The following KCNIP1 variants were observed in gnomAD, a reference collection of about 807,000 sequenced individuals.
KCNIP1 encodes the protein potassium voltage-gated channel interacting protein 1.
KCNIP1 carries 18 observed loss-of-function variants against 33.0 expected under a neutral mutation model. The ratio of observed to expected loss-of-function variants is 0.55; its 90% CI spans 0.38 to 0.81. The LOEUF (loss-of-function observed/expected upper bound fraction) is 0.81. KCNIP1 is among the 30% of genes least tolerant of loss of function. The pLI is 0.00. For missense variants in KCNIP1, 238 were observed against 271.6 expected (o/e 0.88, Z 0.87); for synonymous variants, 93 against 98.3 (o/e 0.95, Z 0.32).
intron 1 of KCNIP1, among the ~76,000 whole-genome samples, chr5:170,396,988 G>T (rs1754777614): frequency 6.6e-6 from 1 of 152,206 alleles, no homozygotes; most frequent in East Asian, 1.9e-4. Flanking sequence ...TTCAGAGCCT[G>T]CTATCTGTCA....
At chr5:170,643,046 T>C (rs1394191645) in intron 1 of KCNIP1, among the ~76,000 whole-genome samples, 2 of 152,160 alleles carry the variant, frequency 1.3e-5, no homozygotes, top group African/African-American at 4.8e-5. Context: ...GATCCTGAGA[T>C]TGGGAGACAT....
chr5:170,466,425 T>C (rs1255094872), intron 1 of KCNIP1, among the ~76,000 whole-genome samples: 1 of 152,084 alleles, frequency 6.6e-6, no homozygotes, highest in African/African-American at 2.4e-5. Context: ...TGCAAAGAGA[T>C]GGTAATAAAA....
intron 1 of KCNIP1, among the ~76,000 whole-genome samples, chr5:170,373,049 C>T (rs1763889563): frequency 6.6e-6 from 1 of 152,216 alleles, no homozygotes; most frequent in Admixed American, 6.5e-5. Context: ...GGCTTTGCTT[C>T]CATATACCTC....
At chr5:170,672,246 G>C (rs951102572) in intron 1 of KCNIP1, among the ~76,000 whole-genome samples, 7 of 152,218 alleles carry the variant, frequency 4.6e-5, no homozygotes, top group African/African-American at 1.7e-4. Context: ...AGGGAGACAG[G>C]GGCCAGATCA....
intron 1 of KCNIP1, among the ~76,000 whole-genome samples, chr5:170,404,179 T>C (rs1329677353): frequency 6.6e-6 from 1 of 152,218 alleles, no homozygotes; most frequent in East Asian, 1.9e-4. Flanking sequence ...AGGTTTTAGT[T>C]TTTAAAATGT....
chr5:170,358,593 A>G (rs1389747624), intron 1 of KCNIP1, among the ~76,000 whole-genome samples: 1 of 152,206 alleles, frequency 6.6e-6, no homozygotes, highest in East Asian at 1.9e-4. Flanking sequence ...TGGAGATAAT[A>G]ATAATATCAA....
rs575457264 is a variant in KCNIP1, at chr5:170,618,229, T to G, written c.62-100529T>G. Among the ~76,000 whole-genome samples, 9 of 152,142 alleles carry G rather than the reference T, an allele frequency of 5.9e-5. No individual in the cohort carries two copies. The South Asian group carries it at 1.9e-3, about 32-fold the overall frequency. ...GCCTGATTAAAAACCCTGGGTTGGCTGCAATGACTTGCAGGCATGCTAACG... is the reference window on the plus strand; with the variant it reads ...GCCTGATTAAAAACCCTGGGTTGGCGGCAATGACTTGCAGGCATGCTAACG... On this transcript the variant is annotated intron_variant, in intron 1 of 7. Transcript: ENST00000328939.
At chr5:170,624,740 GAGAGGGGAGGGGAGGAGA>G (rs1759755656) in intron 1 of KCNIP1, among the ~76,000 whole-genome samples, 1 of 95,850 alleles carries the variant, frequency 1.0e-5, no homozygotes, top group African/African-American at 3.9e-5. Flanking sequence ...GGTGGGGGGG[GAGAGGGGAGGGGAGGAGA>G]GGGGAGGGGA....
chr5:170,397,935 A>G (rs1267188245), intron 1 of KCNIP1, among the ~76,000 whole-genome samples: 2 of 152,182 alleles, frequency 1.3e-5, no homozygotes, highest in Non-Finnish European at 2.9e-5. Context: ...CTGATTGGCA[A>G]TTGGTTGAAA....
chr5:170,580,199 T>C (rs1293688597), intron 1 of KCNIP1, among the ~76,000 whole-genome samples: 1 of 152,190 alleles, frequency 6.6e-6, no homozygotes. Context: ...GATGGAGATA[T>C]CATTTATCTT....
At position 170,374,105 on chromosome 5, in the gene KCNIP1, G is replaced by T. The variant is rs144322502; in HGVS notation, c.88+20141G>T. Among the ~76,000 whole-genome samples the T allele has an allele frequency of 6.4e-3, 979 of 152,282 alleles. 9 individuals carry two copies. The highest frequency in any genetic ancestry group is 0.022 in the African/African-American group (918 of 41,560). On this transcript the variant is annotated intron_variant, in intron 1 of 7. Transcript: ENST00000377360. ...GCTGCCAATGAACAATAAAATAAAT[G>T]CAGTTTGCAATGCCCTGACCCAAGG...
At chr5:170,465,929 G>C (rs1756600227) in intron 1 of KCNIP1, among the ~76,000 whole-genome samples, 1 of 152,198 alleles carries the variant, frequency 6.6e-6, no homozygotes, top group Non-Finnish European at 1.5e-5. Context: ...GAATCCAACA[G>C]GGGGAGGGTC....
At chr5:170,579,706 C>T (rs1024000517) in intron 1 of KCNIP1, among the ~76,000 whole-genome samples, 7 of 152,208 alleles carry the variant, frequency 4.6e-5, no homozygotes, top group Admixed American at 6.5e-5. Context: ...CCAAGAGATT[C>T]GTTCCAATCT....
chr5:170,667,367 A>G (rs1258986218), intron 1 of KCNIP1, among the ~76,000 whole-genome samples: 22 of 152,216 alleles, frequency 1.4e-4, no homozygotes, highest in Admixed American at 1.4e-3. Flanking sequence ...ACTATTAGCA[A>G]TCTGAAGAAA....
chr5:170,702,504 G>A (rs1763130341), intron 1 of KCNIP1, among the ~76,000 whole-genome samples: 2 of 152,210 alleles, frequency 1.3e-5, no homozygotes, highest in South Asian at 2.1e-4. Context: ...AGAGCTTGAG[G>A]GAGGAAGGAG....
chr5:170,356,664 C>A (rs1458066929), intron 1 of KCNIP1, among the ~76,000 whole-genome samples: 2 of 152,210 alleles, frequency 1.3e-5, no homozygotes, highest in African/African-American at 4.8e-5. Flanking sequence ...GACTTCAGCT[C>A]CATCATGGCA....
chr5:170,617,368 G>A (rs1368006568), intron 1 of KCNIP1, among the ~76,000 whole-genome samples: 1 of 151,886 alleles, frequency 6.6e-6, no homozygotes, highest in African/African-American at 2.4e-5. Context: ...GATGGGTAGT[G>A]GAAAGCTGGA....
intron 1 of KCNIP1, among the ~76,000 whole-genome samples, chr5:170,570,893 T>C (rs1312255255): frequency 6.6e-6 from 1 of 152,270 alleles, no homozygotes; most frequent in Non-Finnish European, 1.5e-5. Context: ...CAGATGCTTT[T>C]AGCCTCATTT....
chr5:170,701,012 C>G (rs1763079631), intron 1 of KCNIP1, among the ~76,000 whole-genome samples: 1 of 152,200 alleles, frequency 6.6e-6, no homozygotes, highest in African/African-American at 2.4e-5. Flanking sequence ...CCTATCTGCA[C>G]AGCACAACCA....
Sources: gnomAD v4.1 joint callset for allele counts (sites outside exome capture counted in the v4.1 genomes callset) on GRCh38, gnomAD v4.1.1 for gene constraint, MANE v1.5 for transcripts, NCBI Gene and HGNC (gene_info 2026-07-23, HGNC 2026-07-21) for gene names.